The following SHKBP1 variants were observed in gnomAD, a reference collection of about 807,000 sequenced individuals.
SHKBP1 encodes the protein SH3KBP1-binding protein 1.
Under a neutral mutation model 83.9 loss-of-function variants are expected in SHKBP1, and 71 were observed. The ratio of observed to expected loss-of-function variants is 0.85; its 90% confidence interval spans 0.70 to 1.03. SHKBP1 has a LOEUF of 1.03. Among genes scored for constraint, SHKBP1 ranks in the 50% least tolerant of loss-of-function variants. The pLI is 0.00. For synonymous variants in SHKBP1, 371 were observed against 398.0 expected, an observed-to-expected ratio of 0.93 and a Z score of 0.81; for missense variants, 824 against 982.4, an observed-to-expected ratio of 0.84 and a Z score of 2.16.
At chr19:40,581,740 C>T (rs1280972931) in intron 9 of SHKBP1, among the ~76,000 whole-genome samples, 1 of 152,056 alleles carries the variant, frequency 6.6e-6, no homozygotes, top group East Asian at 1.9e-4. Flanking sequence ...CAACAAATCT[C>T]GGACTTATTA....
chr19:40,583,215 T>C (rs1234146207), intron 10 of SHKBP1, among the ~76,000 whole-genome samples, 183 bp from the exon 11 acceptor site: 1 of 151,288 alleles, frequency 6.6e-6, no homozygotes, highest in Non-Finnish European at 1.5e-5. Context: ...GACAGACAGA[T>C]GCATCAAAGG....
At position 40,590,479 on chromosome 19, in the gene SHKBP1, C is replaced by G; in HGVS notation, c.1768+57C>G. On this transcript the variant is annotated intron_variant, in intron 16 of 17. Transcript: ENST00000291842. The surrounding 1 kb of genome is among the most constrained non-coding windows in gnomAD (Gnocchi z 4.6). ...AGCCCCACAGCCTCACCCAGAACCACTCTCCACTGCCAACTGCTTGATCTC... is the reference window on the plus strand; with the variant it reads ...AGCCCCACAGCCTCACCCAGAACCAGTCTCCACTGCCAACTGCTTGATCTC... 1 of 1,530,606 alleles carries G rather than the reference C, an allele frequency of 6.5e-7. No individual in the cohort carries two copies. The highest frequency in any genetic ancestry group is 8.8e-7 in the Non-Finnish European group (1 of 1,130,516). The allele number at this position is 1,530,606 out of a possible 1,614,324, so 94.8% of individuals were successfully genotyped here.
Position 40,577,238 on chromosome 19 carries a change from A to G in SHKBP1, c.94A>G (p.Thr32Ala). The part of the protein sequence containing the change: ...HLNVGGKRFS[T>A]SRQTLTWIPD... ...TTTACCTTCCCCGCCCAGATTCAGT[A>G]CCTCTCGCCAGACTCTCACCTGGAT... The change falls in exon 2 of 18, where the codon ACC becomes GCC. Residue 32 changes from threonine (T) to alanine (A), a missense_variant. By Grantham distance (58) the Thr-to-Ala change is moderately conservative. Around this residue, in one of 3 missense-constraint regions of SHKBP1, gnomAD observed 355 missense variants for 386.4 expected, o/e 0.92. Coordinates refer to ENST00000291842, the MANE Select transcript of SHKBP1 (RefSeq NM_138392.4). 6.2e-7 allele frequency: 1 copy of G among 1,613,444 alleles called. No individual in the cohort carries two copies. The highest frequency in any genetic ancestry group is 8.5e-7 in the Non-Finnish European group (1 of 1,179,946).
intron 6 of SHKBP1, among the ~76,000 whole-genome samples, chr19:40,579,044 G>C (rs2081246163): frequency 6.6e-6 from 1 of 152,112 alleles, no homozygotes; most frequent in Non-Finnish European, 1.5e-5. Context: ...CAGATATAAA[G>C]ATCTGTAGTA....
At chr19:40,582,548 C>A in intron 10 of SHKBP1, 82 bp downstream of exon 10, 1 of 1,146,768 alleles carries the variant, frequency 8.7e-7, no homozygotes, top group Non-Finnish European at 1.3e-6. Flanking sequence ...CGTCTGCCCC[C>A]ACCCCCACCC....
At chr19:40,589,549 G>T (rs1395210562) in intron 15 of SHKBP1, among the ~76,000 whole-genome samples, 2 of 129,880 alleles carry the variant, frequency 1.5e-5, no homozygotes, top group African/African-American at 5.7e-5. Flanking sequence ...GGTTGGGGTG[G>T]GATAGGGGGA....
At chr19:40,577,789 C>G in intron 4 of SHKBP1, 159 bp downstream of exon 4, 1 of 893,186 alleles carries the variant, frequency 1.1e-6, no homozygotes. Context: ...CGCCTGTAAT[C>G]CCAACACTTT....
Position 40,590,553 on chromosome 19 carries a change from G to A in SHKBP1, c.1768+131G>A. The A allele has an allele frequency of 7.9e-7, 1 of 1,260,680 alleles. No homozygotes were observed. The allele number at this position is 1,260,680 out of a possible 1,614,324, so 78.1% of individuals were successfully genotyped here. ...CCCCTTTTCCTTTGACCCCCTCTCT[G>A]CTCCCCATCCCTTCCTGCCCTTGTT... On this transcript the variant is annotated intron_variant, in intron 16 of 17. Transcript: ENST00000291842. The surrounding 1 kb of genome is among the most constrained non-coding windows in gnomAD (Gnocchi z 4.6).
chr19:40,577,715 C>T (rs1330974013), intron 4 of SHKBP1, 85 bp downstream of exon 4: 1 of 1,457,602 alleles, frequency 6.9e-7, no homozygotes, highest in African/African-American at 1.4e-5. Flanking sequence ...TCCACGTGAG[C>T]TCCATTCTAT....
At position 40,586,949 on chromosome 19, in the gene SHKBP1, G is replaced by C. The variant is rs954282025; in HGVS notation, c.1336+5G>C. 1.9e-6 allele frequency: 3 copies of C among 1,592,302 alleles called. No homozygotes were observed. On this transcript the variant is annotated splice_donor_5th_base_variant and intron_variant, in intron 13 of 17. Transcript: ENST00000291842. The stretch of plus-strand genomic sequence containing the variant: ...CGGAGAAGCACCTCATCTCAGGTGA[G>C]CCTCTGTGGGGTGCTCCAGTGCTGG...
chr19:40,585,576 T>C (rs2081305616), intron 12 of SHKBP1: 2 of 147,858 alleles, frequency 1.4e-5, no homozygotes, highest in Non-Finnish European at 3.0e-5. Flanking sequence ...AGAGTATCGC[T>C]CTGTCATTCA....
chr19:40,579,635 C>G (rs1407373546), intron 6 of SHKBP1, among the ~76,000 whole-genome samples: 2 of 152,202 alleles, frequency 1.3e-5, no homozygotes, highest in South Asian at 4.1e-4. Flanking sequence ...TACACCCCAG[C>G]CTGGGTGACA....
chr19:40,580,146 A>G, intron 6 of SHKBP1, 178 bp from the exon 7 acceptor site: 1 of 663,216 alleles, frequency 1.5e-6, no homozygotes, highest in South Asian at 2.0e-5. Context: ...ACTGAAAGGG[A>G]AGTAACTTGC....
rs1037265096 is a variant in SHKBP1, at chr19:40,580,581, C to T, written c.578C>T (p.Pro193Leu). 5 of 1,614,030 alleles carry T rather than the reference C, an allele frequency of 3.1e-6. No homozygotes were observed. The African/African-American group carries it at 4.0e-5, about 13-fold the overall frequency. The change falls in exon 8 of 18, where the codon CCG becomes CTG. Residue 193 changes from proline to leucine, a missense_variant. Physicochemically the swap from Pro to Leu is moderately conservative, Grantham distance 98 (BLOSUM62 -3). Coordinates refer to ENST00000291842, the MANE Select transcript of SHKBP1 (RefSeq NM_138392.4). ...TCCCCTCAAGGACAACCTGAGGAGC[C>T]GGGGATGGTGCGCCTGGTGTGTGGA... ...PPSPSGQPEE[P>L]GMVRLVCGHH...
In SHKBP1 at chr19:40,590,912, T is replaced by C; in HGVS notation, c.1892+59T>C. 6.4e-7 allele frequency: 1 copy of C among 1,569,128 alleles called. No homozygotes were observed. The highest frequency in any genetic ancestry group is 8.7e-7 in the Non-Finnish European group (1 of 1,149,242). ...GAGGGGAGAGGGGACAGCATGGTGT[T>C]CCCGGGGACAGAGTGGCCCAGCTGC... is the stretch of plus-strand genomic sequence containing the variant. On this transcript the variant is annotated intron_variant, in intron 17 of 17. Coordinates refer to ENST00000291842, the MANE Select transcript of SHKBP1 (RefSeq NM_138392.4). This position sits in a 1 kb window ranked among gnomAD's most constrained non-coding sequence, Gnocchi z 4.6.
At chr19:40,577,349 T>C (rs1435828716) in intron 2 of SHKBP1, 47 bp from the exon 3 acceptor site, 1 of 1,613,546 alleles carries the variant, frequency 6.2e-7, no homozygotes, top group African/African-American at 1.3e-5. Flanking sequence ...AGACCTAATA[T>C]CCACTCCCCC....
At chr19:40,581,483 C>G (rs962500869) in intron 9 of SHKBP1, among the ~76,000 whole-genome samples, 4 of 151,510 alleles carry the variant, frequency 2.6e-5, no homozygotes, top group African/African-American at 9.7e-5. Context: ...CCACTGCATT[C>G]CAGCCTGAGC....
At chr19:40,583,314 A>G (rs1006632771) in intron 10 of SHKBP1, 84 bp from the exon 11 acceptor site, 16 of 1,134,802 alleles carry the variant, frequency 1.4e-5, no homozygotes, top group Non-Finnish European at 1.9e-5. Context: ...GGTGGAGGAG[A>G]GGGCCCATCC....
chr19:40,580,520 G>T, intron 7 of SHKBP1, 35 bp downstream of exon 7: 1 of 1,614,032 alleles, frequency 6.2e-7, no homozygotes, highest in African/African-American at 1.3e-5. Context: ...TGGGGCAGCT[G>T]TGGGGTCCCT....
Sources: gnomAD v4.1 joint callset for allele counts (sites outside exome capture counted in the v4.1 genomes callset) on GRCh38, gnomAD v4.1.1 for gene constraint, gnomAD v4.1.1 regional missense constraint, Gnocchi (gnomAD v3.1) non-coding constraint, MANE v1.5 for transcripts, NCBI Gene and HGNC (gene_info 2026-07-23, HGNC 2026-07-21) for gene names.